Variants in STEAP3 observed in about 807,000 individuals in gnomAD.
STEAP3 encodes the protein STEAP3 metalloreductase, also known as metalloreductase STEAP3.
A neutral mutation model predicts 34.9 loss-of-function variants in STEAP3; 35 were observed. The observed-to-expected ratio is 1.00, with a 90% CI of 0.76 to 1.33. The LOEUF is 1.33. Ranked by LOEUF, STEAP3 falls within the 40% of genes most tolerant of loss-of-function variation. The probability of loss-of-function intolerance (pLI) is 0.00; values close to 1 mark genes in which losing one functional copy is unlikely to be tolerated. For missense variants in STEAP3, 652 were observed against 667.6 expected (o/e 0.98, Z 0.26); for synonymous variants, 281 against 301.6 (o/e 0.93, Z 0.71).
At chr2:119,240,292 C>T (rs1677208952) in intron 2 of STEAP3, among the ~76,000 whole-genome samples, 1 of 152,264 alleles carries the variant, frequency 6.6e-6, no homozygotes, top group Admixed American at 6.5e-5. Flanking sequence ...GTTATTTTCT[C>T]TCTCTTTGCT....
intron 1 of STEAP3, among the ~76,000 whole-genome samples, chr2:119,229,212 G>A (rs1165574697): frequency 2.0e-5 from 3 of 152,238 alleles, no homozygotes; most frequent in Middle Eastern, 6.8e-3. Context: ...GTGCCATCTC[G>A]GCTCACTGCA....
intron 5 of STEAP3, among the ~76,000 whole-genome samples, chr2:119,260,319 T>G (rs867073524): frequency 8.2e-6 from 1 of 121,716 alleles, no homozygotes; most frequent in African/African-American, 2.7e-5. Flanking sequence ...TTTTTTTTTT[T>G]CTTTTTTTTT....
intron 5 of STEAP3, among the ~76,000 whole-genome samples, chr2:119,262,164 T>C (rs964936127): frequency 6.6e-6 from 1 of 152,200 alleles, no homozygotes; most frequent in African/African-American, 2.4e-5. Context: ...CCACGTGCCA[T>C]CTGTAAATTA....
intron 3 of STEAP3, chr2:119,246,873 G>A (rs1291441200): frequency 6.6e-6 from 1 of 152,126 alleles, no homozygotes; most frequent in African/African-American, 2.4e-5. Context: ...TCCAGTCTGA[G>A]GGAACAATCT....
At chr2:119,261,259 G>A (rs558057162) in intron 5 of STEAP3, among the ~76,000 whole-genome samples, 5 of 152,202 alleles carry the variant, frequency 3.3e-5, no homozygotes, top group South Asian at 4.2e-4. Context: ...TCTGTCAGCC[G>A]AGGCTCTGGA....
At chr2:119,257,478 G>T in intron 5 of STEAP3, 1 of 1,536,978 alleles carries the variant, frequency 6.5e-7, no homozygotes, top group Non-Finnish European at 8.8e-7. Context: ...TTCCAGTGCA[G>T]GAAACACAGG....
rs532353282 is a variant in STEAP3, at chr2:119,233,944, G to A, written c.22+2910G>A. 8.5e-5 allele frequency among the ~76,000 whole-genome samples: 13 copies of A among 152,290 alleles called. No homozygotes were observed. In the South Asian group the frequency reaches 2.5e-3, roughly 29 times the overall value. ...CTACATGACTCTTCCCATGCAGAGC[G>A]GTTAGAGGGTGGAGGCCGATTTCCA... On this transcript the variant is annotated intron_variant, in intron 2 of 5. Transcript: ENST00000393110.
At chr2:119,261,189 G>C (rs993296319) in intron 5 of STEAP3, among the ~76,000 whole-genome samples, 10 of 152,040 alleles carry the variant, frequency 6.6e-5, no homozygotes, top group African/African-American at 2.4e-4. Context: ...CAAGAACGGG[G>C]CCCAATGTGG....
At chr2:119,231,738 A>G (rs781034546) in intron 2 of STEAP3, among the ~76,000 whole-genome samples, 7 of 152,118 alleles carry the variant, frequency 4.6e-5, no homozygotes, top group Non-Finnish European at 7.4e-5. Flanking sequence ...TAATTTTTTA[A>G]TGATGTCTAA....
Position 119,247,949 on chromosome 2 carries a change from G to A in STEAP3, c.793G>A (p.Val265Ile), listed in dbSNP as rs375917335. The change falls in exon 4 of 6, where the codon GTC becomes ATC. Residue 265 changes from valine to isoleucine, a missense_variant. Transcript: ENST00000393110. ...NKFFKLPVSVVNTTLPCVAYV... is the reference protein window; with the variant it reads ...NKFFKLPVSVINTTLPCVAYV... ...GTTCTTCAAGCTGCCCGTGTCCGTGGTCAACACCACACTGCCGTGCGTGGC... is the reference window on the plus strand; with the variant it reads ...GTTCTTCAAGCTGCCCGTGTCCGTGATCAACACCACACTGCCGTGCGTGGC... 2 of 1,613,460 alleles carry A rather than the reference G, an allele frequency of 1.2e-6. No homozygotes were observed. Among genetic ancestry groups the A allele is most frequent in the African/African-American group, 2.7e-5 (2 of 74,932 alleles).
At chr2:119,235,518 A>G (rs1255523260) in intron 2 of STEAP3, among the ~76,000 whole-genome samples, 1 of 152,192 alleles carries the variant, frequency 6.6e-6, no homozygotes, top group Non-Finnish European at 1.5e-5. Context: ...AGTGGTTTTC[A>G]AAGTGTGGTC....
At chr2:119,239,778 C>T (rs1042624733) in intron 2 of STEAP3, among the ~76,000 whole-genome samples, 3 of 152,148 alleles carry the variant, frequency 2.0e-5, no homozygotes, top group Non-Finnish European at 4.4e-5. Context: ...CCTGGCCCTC[C>T]CATGGGGCAA....
intron 2 of STEAP3, among the ~76,000 whole-genome samples, chr2:119,233,898 T>C (rs1677015605): frequency 6.6e-6 from 1 of 152,146 alleles, no homozygotes; most frequent in Non-Finnish European, 1.5e-5. Flanking sequence ...AGCTGGCCCA[T>C]GGCAGGTGGT....
chr2:119,234,463 G>A (rs543528726), intron 2 of STEAP3, among the ~76,000 whole-genome samples: 24 of 152,320 alleles, frequency 1.6e-4, no homozygotes, highest in Middle Eastern at 6.8e-3. Context: ...GCCTCCCTGG[G>A]CAAACTAAAG....
At chr2:119,235,927 G>C (rs1677081844) in intron 2 of STEAP3, among the ~76,000 whole-genome samples, 1 of 152,176 alleles carries the variant, frequency 6.6e-6, no homozygotes, top group South Asian at 2.1e-4. Flanking sequence ...CAGCCACCAG[G>C]GCTGTGGCCC....
chr2:119,263,870 T>C lies in STEAP3; in HGVS notation c.*532T>C. On this transcript the variant is annotated 3_prime_UTR_variant, in exon 6 of 6. Transcript: ENST00000393110. ...TGTGAGCAGCGGCTGGTCTCTTCCC[T>C]CCACCTGGGGCAGCAGCAGGAGGCC... The C allele has an allele frequency of 5.5e-6, 1 of 183,432 alleles. No homozygotes were observed. 11.4% of individuals were successfully genotyped at this position (183,432 alleles called of 1,614,324 possible). A position where few individuals can be genotyped will look rare whatever the true frequency, so the allele number is the denominator to read the frequency against.
rs1323513093 is a variant in STEAP3, at chr2:119,230,952, G to A, written c.-61G>A. The A allele has an allele frequency of 1.1e-5, 17 of 1,611,626 alleles. No individual in the cohort carries two copies. Among genetic ancestry groups the A allele is most frequent in the Non-Finnish European group, 1.3e-5 (15 of 1,177,854 alleles). ...GGTTGGAGACTGAGCCAGAAAGGGT[G>A]GCTCACCTCACGGTGAGGCTGTCGA... On this transcript the variant is annotated 5_prime_UTR_variant, in exon 2 of 6. Transcript: ENST00000393110.
intron 5 of STEAP3, among the ~76,000 whole-genome samples, chr2:119,260,675 T>G (rs1290758932): frequency 6.6e-6 from 1 of 152,162 alleles, no homozygotes; most frequent in African/African-American, 2.4e-5. Flanking sequence ...TTTAGAAAAG[T>G]TGGGGTGGCT....
intron 5 of STEAP3, among the ~76,000 whole-genome samples, chr2:119,258,771 C>A: frequency 7.6e-6 from 1 of 130,832 alleles, no homozygotes. Flanking sequence ...CCACACCTGG[C>A]TAATTTTTTT....
Sources: allele counts gnomAD v4.1 joint callset (sites outside exome capture counted in the v4.1 genomes callset), GRCh38; gene constraint gnomAD v4.1.1; transcripts MANE v1.5; gene names NCBI Gene and HGNC (gene_info 2026-07-23, HGNC 2026-07-21).